FAF1: variants seen among roughly 807,000 people sequenced by gnomAD.
FAF1 encodes the protein Fas associated factor 1.
A neutral mutation model predicts 92.5 loss-of-function variants in FAF1; 25 were observed. The observed-to-expected ratio is 0.27, with a 90% CI of 0.20 to 0.38. The LOEUF (loss-of-function observed/expected upper bound fraction) is 0.38. Ranked by LOEUF, FAF1 falls within the 10% of genes least tolerant of loss-of-function variation. The pLI is 1.00. For missense variants in FAF1, 636 were observed against 793.3 expected (o/e 0.80, Z 2.38); for synonymous variants, 234 against 273.2 (o/e 0.86, Z 1.42).
chr1:50,677,647 C>A (rs1476283977), intron 7 of FAF1, among the ~76,000 whole-genome samples: 1 of 152,030 alleles, frequency 6.6e-6, no homozygotes, highest in Non-Finnish European at 1.5e-5. Flanking sequence ...GTAATCCCAG[C>A]ACTTTGGGAG....
At chr1:50,753,751 T>A (rs868527789) in intron 4 of FAF1, among the ~76,000 whole-genome samples, 8 of 150,432 alleles carry the variant, frequency 5.3e-5, no homozygotes, top group African/African-American at 9.9e-5. Flanking sequence ...AATGTCATTA[T>A]CTGTTCTTTT....
At chr1:50,746,538 G>A (rs984007686) in intron 4 of FAF1, among the ~76,000 whole-genome samples, 1 of 151,314 alleles carries the variant, frequency 6.6e-6, no homozygotes, top group Non-Finnish European at 1.5e-5. Flanking sequence ...CCAACCTCAG[G>A]TGATCCGTCT....
chr1:50,819,796 T>C (rs1162629490), intron 2 of FAF1, among the ~76,000 whole-genome samples: 20 of 113,066 alleles, frequency 1.8e-4, no homozygotes, highest in African/African-American at 6.3e-4. Flanking sequence ...TACATATATA[T>C]ATATACATAT....
intron 6 of FAF1, among the ~76,000 whole-genome samples, chr1:50,708,664 C>A (rs1657792885): frequency 1.3e-5 from 2 of 151,848 alleles, no homozygotes; most frequent in Non-Finnish European, 2.9e-5. Flanking sequence ...GTGACACAGA[C>A]AAAAGAGAGG....
intron 8 of FAF1, among the ~76,000 whole-genome samples, chr1:50,649,843 T>A (rs2124276115): frequency 6.6e-6 from 1 of 151,012 alleles, no homozygotes; most frequent in East Asian, 1.9e-4. Context: ...CACGTGCCTG[T>A]AGTCCTAGCT....
At position 50,620,538 on chromosome 1, in the gene FAF1, A is replaced by G. The variant is rs899783388; in HGVS notation, c.745-24322T>C. ...CACTTCGTTGACATCCAGATTCTCA[A>G]TTCTGTGTCTGTCATTGCAGTCATT... On this transcript the variant is annotated intron_variant, in intron 8 of 18. Transcript: ENST00000396153. Among the ~76,000 whole-genome samples the G allele has an allele frequency of 2.0e-5, 3 of 152,146 alleles. No individual in the cohort carries two copies. In the South Asian group the frequency reaches 6.2e-4, roughly 31 times the overall value.
chr1:50,900,408 TTTC>T, intron 1 of FAF1, among the ~76,000 whole-genome samples: 1 of 152,302 alleles, frequency 6.6e-6, no homozygotes, highest in East Asian at 1.9e-4. Flanking sequence ...TGATTATTGT[TTTC>T]TTCTTAATTC....
At chr1:50,606,400 G>A (rs547670183) in intron 8 of FAF1, among the ~76,000 whole-genome samples, 6 of 151,450 alleles carry the variant, frequency 4.0e-5, no homozygotes, top group Admixed American at 3.3e-4. Context: ...AAGAGAGAAG[G>A]GTTTCTTATC....
intron 1 of FAF1, among the ~76,000 whole-genome samples, chr1:50,943,051 T>C (rs1363702785): frequency 6.6e-6 from 1 of 152,170 alleles, no homozygotes; most frequent in African/African-American, 2.4e-5. Context: ...ATTCACAAGA[T>C]GTGCAGAAAC....
intron 13 of FAF1, among the ~76,000 whole-genome samples, chr1:50,558,749 C>T (rs947599870): frequency 6.6e-6 from 1 of 152,148 alleles, no homozygotes; most frequent in South Asian, 2.1e-4. Flanking sequence ...GAGTTAAATG[C>T]ATATTTCCTG....
intron 1 of FAF1, among the ~76,000 whole-genome samples, chr1:50,907,673 G>T (rs1014056196): frequency 6.6e-6 from 1 of 152,058 alleles, no homozygotes; most frequent in African/African-American, 2.4e-5. Flanking sequence ...TCATAGAGTT[G>T]TTTATAGTAT....
At chr1:50,625,558 C>T (rs1357239291) in intron 8 of FAF1, among the ~76,000 whole-genome samples, 1 of 152,098 alleles carries the variant, frequency 6.6e-6, no homozygotes, top group Non-Finnish European at 1.5e-5. Context: ...AAAGGAGTGT[C>T]AGCTGAGTCT....
At chr1:50,713,733 G>A (rs1175772745) in intron 6 of FAF1, among the ~76,000 whole-genome samples, 2 of 149,524 alleles carry the variant, frequency 1.3e-5, no homozygotes, top group African/African-American at 2.5e-5. Flanking sequence ...GAGTAGTTGA[G>A]ATTACAACCG....
chr1:50,905,084 T>C (rs1470277810), intron 1 of FAF1, among the ~76,000 whole-genome samples: 1 of 152,098 alleles, frequency 6.6e-6, no homozygotes, highest in African/African-American at 2.4e-5. Context: ...CCCCACCCTG[T>C]GTCCAAGTGT....
At chr1:50,763,497 C>T (rs891750491) in intron 4 of FAF1, among the ~76,000 whole-genome samples, 2 of 151,904 alleles carry the variant, frequency 1.3e-5, no homozygotes, top group Non-Finnish European at 2.9e-5. Context: ...TTAAAATTTC[C>T]CCCTTTCCAC....
At chr1:50,763,120 T>G (rs572479279) in intron 4 of FAF1, among the ~76,000 whole-genome samples, 1 of 151,970 alleles carries the variant, frequency 6.6e-6, no homozygotes, top group Non-Finnish European at 1.5e-5. Context: ...AGCTGGGGCA[T>G]GGTGGCATGC....
In FAF1 at chr1:50,590,306, A is replaced by G. The variant is rs139438406; in HGVS notation, c.841-5495T>C. On this transcript the variant is annotated intron_variant, in intron 9 of 18. Transcript: ENST00000396153. The stretch of plus-strand genomic sequence containing the variant: ...ATGAAATGTGTTTCCATTTATTTAT[A>G]TCTTCTTTAATTTTTCAGCAATGTT... Among the ~76,000 whole-genome samples the G allele has an allele frequency of 1.2e-4, 18 of 152,280 alleles. No homozygotes were observed. In the East Asian group the frequency reaches 3.5e-3, roughly 29 times the overall value.
chr1:50,618,544 T>C (rs1005465339), intron 8 of FAF1, among the ~76,000 whole-genome samples: 1 of 150,488 alleles, frequency 6.6e-6, no homozygotes, highest in Non-Finnish European at 1.5e-5. Flanking sequence ...ATTACAGGCA[T>C]GAGCCACCGC....
At chr1:50,959,700 G>A in intron 1 of FAF1, 67 bp downstream of exon 1, 3 of 1,387,728 alleles carry the variant, frequency 2.2e-6, no homozygotes, top group Non-Finnish European at 3.0e-6. Flanking sequence ...CTGGGAAGAA[G>A]ACTCCCTTGT....
Sources: allele counts gnomAD v4.1 joint callset (sites outside exome capture counted in the v4.1 genomes callset), GRCh38; gene constraint gnomAD v4.1.1; transcripts MANE v1.5; gene names NCBI Gene and HGNC (gene_info 2026-07-23, HGNC 2026-07-21).